Variants in C16orf89 observed in about 807,000 individuals in gnomAD.
The protein encoded by C16orf89 is chromosome 16 open reading frame 89.
C16orf89 carries 57 observed loss-of-function variants against 41.5 expected under a neutral mutation model. The ratio of observed to expected loss-of-function variants is 1.38; its 90% CI spans 1.11 to 1.71. The LOEUF (loss-of-function observed/expected upper bound fraction) is 1.71. Among genes scored for constraint, C16orf89 ranks in the 40% most tolerant of loss-of-function variants. The probability of loss-of-function intolerance (pLI) is 0.00; values close to 1 mark genes in which losing one functional copy is unlikely to be tolerated. For missense variants in C16orf89, 575 were observed against 445.9 expected, an observed-to-expected ratio of 1.29 and a Z score of -2.61; for synonymous variants, 223 against 190.6, an observed-to-expected ratio of 1.17 and a Z score of -1.40.
At chr16:5,052,936 A>G (rs1391533412) in intron 6 of C16orf89, among the ~76,000 whole-genome samples, 2 of 152,218 alleles carry the variant, frequency 1.3e-5, no homozygotes, top group African/African-American at 4.8e-5. Context: ...ATGAAGTACT[A>G]TTTCACCATA....
chr16:5,062,642 A>G (rs1269914716), intron 1 of C16orf89, 68 bp from the exon 2 acceptor site: 1 of 1,067,998 alleles, frequency 9.4e-7, no homozygotes, highest in African/African-American at 1.5e-5. Context: ...TTGGAACAAG[A>G]AAAAAAAATG....
chr16:5,043,109 G>C (rs1231063983), downstream of C16orf89: 4 of 152,306 alleles, frequency 2.6e-5, 1 homozygote, highest in African/African-American at 9.7e-5. Context: ...ACCCAGGCTG[G>C]AGTGCAGTGG....
At chr16:5,047,490 C>T (rs1229848300) in intron 7 of C16orf89, among the ~76,000 whole-genome samples, 1 of 144,508 alleles carries the variant, frequency 6.9e-6, no homozygotes, top group Non-Finnish European at 1.5e-5. Context: ...TTTTTTGAGA[C>T]AGGGTCTTGC....
At chr16:5,044,056 G>T, downstream of C16orf89, 2 of 947,084 alleles carry the variant, frequency 2.1e-6, no homozygotes. Flanking sequence ...GGATTGGAGA[G>T]TTGAAACAGA....
At chr16:5,045,184 G>A (rs1956272918) in intron 7 of C16orf89, among the ~76,000 whole-genome samples, 1 of 152,196 alleles carries the variant, frequency 6.6e-6, no homozygotes, top group Admixed American at 6.5e-5. Context: ...ATAAACCCAC[G>A]CACCGGAGTC....
chr16:5,061,653 T>C (rs952763276), intron 2 of C16orf89, among the ~76,000 whole-genome samples: 2 of 152,026 alleles, frequency 1.3e-5, no homozygotes, highest in Non-Finnish European at 2.9e-5. Context: ...GGGACAGTGT[T>C]AGGGACCAGG....
rs1460685613 is a variant in C16orf89, at chr16:5,056,159, C to G, written c.657G>C (p.Gln219His). The G allele has an allele frequency of 3.1e-6, 5 of 1,593,730 alleles. No individual in the cohort carries two copies. The highest frequency in any genetic ancestry group is 2.3e-5 in the East Asian group (1 of 44,158). Residue 219 changes from glutamine (Q) to histidine (H), a missense_variant, in exon 5 of 8, where the codon CAG (glutamine) becomes CAC (histidine). By Grantham distance (24) the Gln-to-His change is conservative. Transcript: ENST00000472572. ...AGAAGAGGTTGATATAGTCCTGGCT[C>G]TGTTGGAGTGGTCCCTGTGTGCACC... ...MRGCTQGPLQ[Q>H]SQDYINLFCA...
intron 4 of C16orf89, among the ~76,000 whole-genome samples, chr16:5,056,905 GT>G (rs1956520135): frequency 6.6e-6 from 1 of 152,080 alleles, no homozygotes; most frequent in Non-Finnish European, 1.5e-5. Context: ...GAATCACATT[GT>G]TTTTTGAATG....
chr16:5,052,475 C>G (rs1956415933), intron 6 of C16orf89, among the ~76,000 whole-genome samples: 1 of 152,092 alleles, frequency 6.6e-6, no homozygotes, highest in Non-Finnish European at 1.5e-5. Context: ...CCTGTAGTCT[C>G]AGCTACTCAG....
At chr16:5,052,820 C>T (rs900510157) in intron 6 of C16orf89, among the ~76,000 whole-genome samples, 1 of 152,198 alleles carries the variant, frequency 6.6e-6, no homozygotes, top group African/African-American at 2.4e-5. Flanking sequence ...GAAGAGACAT[C>T]TGCACCCCCA....
At chr16:5,045,016 G>T (rs1445656271) in intron 7 of C16orf89, among the ~76,000 whole-genome samples, 1 of 152,096 alleles carries the variant, frequency 6.6e-6, no homozygotes, top group Non-Finnish European at 1.5e-5. Context: ...CCAATACAGG[G>T]ATACAAAAGC....
chr16:5,052,725 G>A (rs114278507), intron 6 of C16orf89, among the ~76,000 whole-genome samples: 1 of 152,188 alleles, frequency 6.6e-6, no homozygotes, highest in South Asian at 2.1e-4. Flanking sequence ...ATGGAGATTT[G>A]TCAAAAAGCT....
At position 5,062,481 on chromosome 16, in the gene C16orf89, G is replaced by C. The variant is rs1455916314; in HGVS notation, c.302C>G (p.Ala101Gly). 5.0e-6 allele frequency: 8 copies of C among 1,613,974 alleles called. No homozygotes were observed. Among genetic ancestry groups the C allele is most frequent in the Non-Finnish European group, 6.8e-6 (8 of 1,179,970 alleles). The change falls in exon 2 of 8, where the codon GCT (alanine) becomes GGT (glycine). Residue 101 changes from alanine to glycine, a missense_variant. By Grantham distance (60) the Ala-to-Gly change is moderately conservative. Coordinates refer to ENST00000472572, the MANE Select transcript of C16orf89 (RefSeq NM_001098514.3). Reference sequence around the variant, plus strand: ...GTAGTGGAGGGATCTCTGGATGGCAGCCTCCAGCTTCTCCCCCAGCATCCC... The same window carrying C: ...GTAGTGGAGGGATCTCTGGATGGCACCCTCCAGCTTCTCCCCCAGCATCCC... ...RVGMLGEKLE[A>G]AIQRSLHYLK...
intron 6 of C16orf89, among the ~76,000 whole-genome samples, chr16:5,052,362 G>C (rs1345376241): frequency 1.3e-5 from 2 of 152,186 alleles, no homozygotes; most frequent in Non-Finnish European, 2.9e-5. Flanking sequence ...GCCGTGGCTG[G>C]TGGATCACTT....
chr16:5,063,620 C>G (rs741163), intron 1 of C16orf89, among the ~76,000 whole-genome samples: 3 of 152,000 alleles, frequency 2.0e-5, no homozygotes, highest in Non-Finnish European at 2.9e-5. Context: ...TGGCTGCATT[C>G]GATTCTCACA....
chr16:5,064,495 C>G (rs1455678562), intron 1 of C16orf89, among the ~76,000 whole-genome samples: 1 of 152,214 alleles, frequency 6.6e-6, no homozygotes, highest in Non-Finnish European at 1.5e-5. Context: ...CCACCAGCTG[C>G]AGCTGAAGGA....
Position 5,044,128 on chromosome 16 carries a change from G to C in C16orf89, c.*220C>G. On this transcript the variant is annotated 3_prime_UTR_variant, in exon 8 of 8. Coordinates refer to ENST00000472572, the MANE Select transcript of C16orf89 (RefSeq NM_001098514.3). ...AACAAGACTCAACCCTGGGTCAGTTGCAGTTGAACTTTATTCATCCGTTCA... is the reference window on the plus strand; with the variant it reads ...AACAAGACTCAACCCTGGGTCAGTTCCAGTTGAACTTTATTCATCCGTTCA... 1 of 1,260,434 alleles carries C rather than the reference G, an allele frequency of 7.9e-7. No individual in the cohort carries two copies. The highest frequency in any genetic ancestry group is 1.0e-6 in the Non-Finnish European group (1 of 1,004,992). 78.1% of individuals were successfully genotyped at this position (1,260,434 alleles called of 1,614,324 possible).
At chr16:5,055,941 GTGTGT>G in intron 5 of C16orf89, 107 bp downstream of exon 5, 1 of 19,540 alleles carries the variant, frequency 5.1e-5, no homozygotes, top group Non-Finnish European at 1.1e-4. Context: ...GCAACTCCGT[GTGTGT>G]GTGTGTGTGT....
intron 6 of C16orf89, 93 bp from the exon 7 acceptor site, chr16:5,048,057 C>G: frequency 2.7e-6 from 2 of 732,834 alleles, no homozygotes; most frequent in East Asian, 2.7e-5. Flanking sequence ...GAGACAGGGT[C>G]TCATTCTATT....
Sources: allele counts gnomAD v4.1 joint callset (sites outside exome capture counted in the v4.1 genomes callset), GRCh38; gene constraint gnomAD v4.1.1; transcripts MANE v1.5; gene names NCBI Gene and HGNC (gene_info 2026-07-23, HGNC 2026-07-21).